ACSL6: variants seen among roughly 807,000 people sequenced by gnomAD.
The protein encoded by ACSL6 is acyl-CoA synthetase long chain family member 6, also known as long-chain-fatty-acid--CoA ligase 6.
In ACSL6, 47 loss-of-function variants were observed where a neutral mutation model predicts 98.2. The observed-to-expected ratio is 0.48, with a 90% CI of 0.38 to 0.61. The LOEUF is 0.61. Ranked by LOEUF, ACSL6 falls within the 20% of genes least tolerant of loss-of-function variation. ACSL6 has a pLI of 0.00. For missense variants in ACSL6, 761 were observed against 913.4 expected (o/e 0.83, Z 2.15); for synonymous variants, 362 against 336.9 (o/e 1.07, Z -0.82).
upstream of ACSL6, chr5:132,011,759 C>T: frequency 2.3e-6 from 3 of 1,310,264 alleles, no homozygotes; most frequent in East Asian, 3.1e-5. This position sits in a 1 kb window ranked among gnomAD's most constrained non-coding sequence, Gnocchi z 5.4. Flanking sequence ...GCACTCGCAA[C>T]CGAGCCTTAC....
Position 132,011,329 on chromosome 5 carries a change from C to CCT in ACSL6, c.49+175_49+176insAG. 1.5e-6 allele frequency: 1 copy of CCT among 683,168 alleles called. No individual in the cohort carries two copies. Among genetic ancestry groups the CCT allele is most frequent in the Non-Finnish European group, 2.5e-6 (1 of 396,950 alleles). The allele number at this position is 683,168 out of a possible 1,614,324, so 42.3% of individuals were successfully genotyped here. A position where few individuals can be genotyped will look rare whatever the true frequency, so the allele number is the denominator to read the frequency against. On this transcript the variant is annotated intron_variant, in intron 1 of 20. Coordinates refer to ENST00000651883, the MANE Select transcript of ACSL6 (RefSeq NM_001009185.3). This position sits in a 1 kb window ranked among gnomAD's most constrained non-coding sequence, Gnocchi z 5.4. ...TGCTCCCCAAACCCGGCCCGGAGCC[C>CCT]GCGAGAACTGGGGGCGGAGGGTGTA...
rs1752774069 is a variant in ACSL6, at chr5:131,962,659, A to G, written c.1733T>C (p.Ile578Thr). The change falls in exon 18 of 21, where the codon ATT becomes ACT. Residue 578 changes from isoleucine to threonine, a missense_variant. Physicochemically the swap from Ile to Thr is moderately conservative, Grantham distance 89. Coordinates refer to ENST00000651883, the MANE Select transcript of ACSL6 (RefSeq NM_001009185.3). ...KWLPAGTLKI[I>T]DRKKHIFKLA... ...TTTAAATATATGCTTTTTCCGATCAATAATTTTAAGAGTTCCTGCCTGTAG... is the reference window on the plus strand; with the variant it reads ...TTTAAATATATGCTTTTTCCGATCAGTAATTTTAAGAGTTCCTGCCTGTAG... 6 of 1,614,136 alleles carry G rather than the reference A, an allele frequency of 3.7e-6. No individual in the cohort carries two copies. Among genetic ancestry groups the G allele is most frequent in the Non-Finnish European group, 5.1e-6 (6 of 1,179,998 alleles).
Position 132,009,603 on chromosome 5 carries a change from C to T in ACSL6, c.49+1902G>A, listed in dbSNP as rs79773756. Among the ~76,000 whole-genome samples the T allele has an allele frequency of 2.0e-3, 307 of 152,310 alleles. 5 individuals are homozygous for T. The highest frequency in any genetic ancestry group is 6.8e-3 in the Middle Eastern group (2 of 294). Reference sequence around the variant, plus strand: ...CTCTTGCTTTTTGCATTGGGAAGCTCGGCCTCTGTGGAAGCAGCCACTACC... The same window carrying T: ...CTCTTGCTTTTTGCATTGGGAAGCTTGGCCTCTGTGGAAGCAGCCACTACC... On this transcript the variant is annotated intron_variant, in intron 1 of 20. Transcript: ENST00000651883.
intron 20 of ACSL6, among the ~76,000 whole-genome samples, chr5:131,954,597 C>T (rs1752301793): frequency 6.6e-6 from 1 of 152,160 alleles, no homozygotes; most frequent in African/African-American, 2.4e-5. Flanking sequence ...GAATTAGTTG[C>T]TTACTCTATG....
At chr5:131,975,065 A>C (rs1036418486) in intron 10 of ACSL6, 95 bp from the exon 11 acceptor site, 2 of 1,448,218 alleles carry the variant, frequency 1.4e-6, no homozygotes, top group Admixed American at 4.3e-5. Context: ...ATGGTCCTGG[A>C]GGGTAAACAG....
chr5:131,996,802 G>A (rs1002350836), intron 1 of ACSL6, among the ~76,000 whole-genome samples: 4 of 152,158 alleles, frequency 2.6e-5, no homozygotes, highest in South Asian at 2.1e-4. Flanking sequence ...GCCTGCCCTC[G>A]GTCCCCTGGG....
intron 1 of ACSL6, among the ~76,000 whole-genome samples, chr5:131,999,779 T>C (rs1754982959): frequency 1.3e-5 from 2 of 152,070 alleles, no homozygotes; most frequent in Non-Finnish European, 2.9e-5. Context: ...TCAGATCAGC[T>C]CAGAGCCAAG....
Position 131,950,091 on chromosome 5 carries a change from A to G in ACSL6, c.*4143T>C, listed in dbSNP as rs1186514953. 1 of 182,894 alleles carries G rather than the reference A, an allele frequency of 5.5e-6. No homozygotes were observed. Among genetic ancestry groups the G allele is most frequent in the Non-Finnish European group, 1.2e-5 (1 of 85,976 alleles). The allele number at this position is 182,894 out of a possible 1,614,324, so 11.3% of individuals were successfully genotyped here. On this transcript the variant is annotated 3_prime_UTR_variant, in exon 21 of 21. Coordinates refer to ENST00000651883, the MANE Select transcript of ACSL6 (RefSeq NM_001009185.3). ...ATGTAATTACAGTTAAGATACTTTT[A>G]TGCATATTTAAAAAGTAATATTTTA...
At position 131,962,505 on chromosome 5, in the gene ACSL6, T is replaced by G. The variant is rs761892148; in HGVS notation, c.1857+30A>C. ...TGGGTTTTTCAGCATGCCCAGGATA[T>G]GTGGGAGGGCTGAAGCCTAGAGGCC... On this transcript the variant is annotated intron_variant, in intron 18 of 20. Coordinates refer to ENST00000651883, the MANE Select transcript of ACSL6 (RefSeq NM_001009185.3). 1.9e-6 allele frequency: 3 copies of G among 1,589,654 alleles called. No individual in the cohort carries two copies. The South Asian group carries it at 3.4e-5, about 18-fold the overall frequency.
intron 9 of ACSL6, among the ~76,000 whole-genome samples, chr5:131,980,654 C>G (rs1255026535): frequency 6.6e-6 from 1 of 152,154 alleles, no homozygotes; most frequent in African/African-American, 2.4e-5. Flanking sequence ...GCCTCCCAGC[C>G]CCACAGCCAG....
intron 10 of ACSL6, chr5:131,976,017 GA>G: frequency 1.0e-6 from 1 of 985,480 alleles, no homozygotes. Flanking sequence ...TCTCCACAGT[GA>G]AGAAAAAGCC....
At chr5:132,000,558 T>C (rs1580696384) in intron 1 of ACSL6, among the ~76,000 whole-genome samples, 1 of 151,976 alleles carries the variant, frequency 6.6e-6, no homozygotes, top group Non-Finnish European at 1.5e-5. Flanking sequence ...ACTATTTCCA[T>C]GGCTAACATG....
chr5:132,011,377 G>T lies in ACSL6; in HGVS notation c.49+128C>A. ...GTACTTAGGCGGCCCTGGGGACCTTGACGGGACAGCTCAGCAGCAGGGGAT... is the reference window on the plus strand; with the variant it reads ...GTACTTAGGCGGCCCTGGGGACCTTTACGGGACAGCTCAGCAGCAGGGGAT... On this transcript the variant is annotated intron_variant, in intron 1 of 20. Coordinates refer to ENST00000651883, the MANE Select transcript of ACSL6 (RefSeq NM_001009185.3). The surrounding 1 kb of genome is among the most constrained non-coding windows in gnomAD (Gnocchi z 5.4). 9.4e-7 allele frequency: 1 copy of T among 1,066,614 alleles called. No homozygotes were observed. Among genetic ancestry groups the T allele is most frequent in the Non-Finnish European group, 1.4e-6 (1 of 708,796 alleles). The allele number at this position is 1,066,614 out of a possible 1,614,324, so 66.1% of individuals were successfully genotyped here. A position where few individuals can be genotyped will look rare whatever the true frequency, so the allele number is the denominator to read the frequency against.
intron 1 of ACSL6, among the ~76,000 whole-genome samples, chr5:132,007,593 G>A (rs946347456): frequency 6.6e-6 from 1 of 152,168 alleles, no homozygotes; most frequent in Non-Finnish European, 1.5e-5. Context: ...CCTCACCTAG[G>A]CAATGGGGAG....
At chr5:131,990,675 C>T (rs1754454498) in intron 3 of ACSL6, among the ~76,000 whole-genome samples, 178 bp downstream of exon 3, 1 of 152,188 alleles carries the variant, frequency 6.6e-6, no homozygotes, top group Admixed American at 6.5e-5. Flanking sequence ...GCCCTTTAGC[C>T]ATATAATGCA....
rs527332592 is a variant in ACSL6 at position 132,004,215 on chromosome 5, T to C, written c.49+7290A>G. Among the ~76,000 whole-genome samples, 8 of 150,298 alleles carry C rather than the reference T, an allele frequency of 5.3e-5. No homozygotes were observed. In the South Asian group the frequency reaches 1.7e-3, roughly 32 times the overall value. ...AGGCTCCATGCCAAGGTCAGGCTTC[T>C]ATCCTTTTTTTTTTTTTTTGGCTGA... On this transcript the variant is annotated intron_variant, in intron 1 of 20. Transcript: ENST00000651883.
chr5:131,995,766 C>A lies in ACSL6; in HGVS notation c.50-1515G>T, dbSNP rs537432684. On this transcript the variant is annotated intron_variant, in intron 1 of 20. Transcript: ENST00000651883. ...AAGCCCTTCAGTTGTAATTCCTTCT[C>A]CTTCTCTTATGAGCAATGCAAGGTT... Among the ~76,000 whole-genome samples the A allele has an allele frequency of 2.0e-5, 3 of 152,362 alleles. No individual in the cohort carries two copies. The East Asian group carries it at 5.8e-4, about 29-fold the overall frequency.
At chr5:131,975,768 G>C in intron 10 of ACSL6, 1 of 985,468 alleles carries the variant, frequency 1.0e-6, no homozygotes, top group Non-Finnish European at 1.2e-6. Flanking sequence ...TGGGTGGGCT[G>C]TGCCTCCACG....
At chr5:132,000,870 T>C (rs529264960) in intron 1 of ACSL6, among the ~76,000 whole-genome samples, 24 of 152,294 alleles carry the variant, frequency 1.6e-4, no homozygotes, top group Admixed American at 1.3e-3. Flanking sequence ...CCCAATTGCC[T>C]GGCAAGTCTA....
Sources: allele counts gnomAD v4.1 joint callset (sites outside exome capture counted in the v4.1 genomes callset), GRCh38; gene constraint gnomAD v4.1.1; non-coding constraint Gnocchi (gnomAD v3.1); transcripts MANE v1.5; gene names NCBI Gene and HGNC (gene_info 2026-07-23, HGNC 2026-07-21).